ATRNL1: variants seen among roughly 807,000 people sequenced by gnomAD.
ATRNL1 encodes the protein attractin-like protein 1.
Under a neutral mutation model 182.7 loss-of-function variants are expected in ATRNL1, and 95 were observed. The observed-to-expected ratio is 0.52, with a 90% CI of 0.44 to 0.62. The LOEUF (loss-of-function observed/expected upper bound fraction) is 0.62, where lower values mean the gene tolerates loss of function less well. Among genes scored for constraint, ATRNL1 ranks in the 20% least tolerant of loss-of-function variants. ATRNL1 has a pLI of 0.00. For missense variants in ATRNL1, 1,471 were observed against 1,679.5 expected (o/e 0.88, Z 2.17); for synonymous variants, 576 against 568.3 (o/e 1.01, Z -0.19).
At chr10:115,547,129 C>CCTGT (rs1554993963) in intron 25 of ATRNL1, among the ~76,000 whole-genome samples, 2 of 151,624 alleles carry the variant, frequency 1.3e-5, no homozygotes, top group African/African-American at 4.8e-5. Context: ...GTGGCATGCA[C>CCTGT]CTGTAATCCT....
chr10:115,156,504 T>C lies in ATRNL1; in HGVS notation c.830-3536T>C, dbSNP rs546553492. Reference sequence around the variant, plus strand: ...GATTGTGGGGCTGGACATATACATTTGGGATATATCAGAGCACAATTCTAC... The same window carrying C: ...GATTGTGGGGCTGGACATATACATTCGGGATATATCAGAGCACAATTCTAC... On this transcript the variant is annotated intron_variant, in intron 5 of 28. Transcript: ENST00000355044. Among the ~76,000 whole-genome samples, 6 of 152,228 alleles carry C rather than the reference T, an allele frequency of 3.9e-5. No homozygotes were observed. The South Asian group carries it at 1.0e-3, about 26-fold the overall frequency.
chr10:115,606,539 AAG>A (rs1224476022), intron 26 of ATRNL1, among the ~76,000 whole-genome samples: 10 of 152,146 alleles, frequency 6.6e-5, no homozygotes, highest in African/African-American at 2.4e-4. Flanking sequence ...ATTTATGAAA[AAG>A]AAAACTCTTA....
At chr10:115,763,424 T>C (rs1948781400) in intron 27 of ATRNL1, among the ~76,000 whole-genome samples, 1 of 152,084 alleles carries the variant, frequency 6.6e-6, no homozygotes, top group South Asian at 2.1e-4. Flanking sequence ...AGAAGTGGGG[T>C]AATTATTTCA....
intron 27 of ATRNL1, among the ~76,000 whole-genome samples, chr10:115,762,314 G>T (rs1330356285): frequency 5.9e-5 from 9 of 152,104 alleles, no homozygotes; most frequent in African/African-American, 2.2e-4. Flanking sequence ...CAGAAAGCCT[G>T]CCTGGTCTTT....
intron 19 of ATRNL1, among the ~76,000 whole-genome samples, chr10:115,355,895 G>A (rs1052846838): frequency 2.6e-5 from 4 of 151,862 alleles, no homozygotes; most frequent in African/African-American, 4.8e-5. Context: ...TATATTTTAA[G>A]TTTTTAACAG....
At chr10:115,443,523 T>A (rs1401269778) in intron 21 of ATRNL1, among the ~76,000 whole-genome samples, 2 of 152,028 alleles carry the variant, frequency 1.3e-5, no homozygotes, top group Non-Finnish European at 2.9e-5. Context: ...GTATTTTTAC[T>A]TTTTATATAT....
At chr10:115,308,228 G>A (rs1053768223) in intron 17 of ATRNL1, among the ~76,000 whole-genome samples, 19 of 152,050 alleles carry the variant, frequency 1.2e-4, no homozygotes. Flanking sequence ...TTGACTAATG[G>A]TTTCTGAGAA....
At chr10:115,622,108 G>A (rs142317151) in intron 26 of ATRNL1, among the ~76,000 whole-genome samples, 32 of 152,270 alleles carry the variant, frequency 2.1e-4, no homozygotes, top group African/African-American at 7.2e-4. Flanking sequence ...CTCTAGATAT[G>A]TCAACCTAAA....
At chr10:115,626,480 T>C (rs2133818548) in intron 26 of ATRNL1, among the ~76,000 whole-genome samples, 1 of 152,320 alleles carries the variant, frequency 6.6e-6, no homozygotes, top group East Asian at 1.9e-4. Flanking sequence ...CAATATGTTC[T>C]GGTTCATGTT....
chr10:115,187,178 T>C lies in ATRNL1; in HGVS notation c.1348+15886T>C, dbSNP rs1460879558. ...TGTACACTGTTTCTGGGAATAATTT[T>C]TTTTTTTTTTTAACAAAAATGAGCA... On this transcript the variant is annotated intron_variant, in intron 8 of 28. Transcript: ENST00000355044. Among the ~76,000 whole-genome samples, 5 of 152,038 alleles carry C rather than the reference T, an allele frequency of 3.3e-5. No individual in the cohort carries two copies. The East Asian group carries it at 9.6e-4, about 29-fold the overall frequency.
chr10:115,535,792 G>C (rs1554990033), intron 25 of ATRNL1, among the ~76,000 whole-genome samples: 1 of 152,068 alleles, frequency 6.6e-6, no homozygotes, highest in African/African-American at 2.4e-5. Context: ...TTTCGGTGTG[G>C]ATGTCCTTTC....
At chr10:115,840,929 C>G (rs1161980812) in intron 27 of ATRNL1, among the ~76,000 whole-genome samples, 1 of 152,076 alleles carries the variant, frequency 6.6e-6, no homozygotes. Flanking sequence ...TTAACAGTAC[C>G]TTTCAAGGCC....
At chr10:115,878,557 A>G (rs575089730) in intron 28 of ATRNL1, among the ~76,000 whole-genome samples, 4 of 152,110 alleles carry the variant, frequency 2.6e-5, no homozygotes, top group African/African-American at 9.6e-5. Context: ...GTACAAGTAT[A>G]TTTTCTCTGT....
chr10:115,167,482 T>G (rs1847099874), intron 7 of ATRNL1, among the ~76,000 whole-genome samples: 1 of 152,088 alleles, frequency 6.6e-6, no homozygotes, highest in Non-Finnish European at 1.5e-5. Context: ...GTTATTTTTA[T>G]GTATTTGTGG....
chr10:115,322,100 T>C (rs139266688), intron 18 of ATRNL1, among the ~76,000 whole-genome samples: 2,112 of 152,176 alleles, frequency 0.014, 43 homozygotes, highest in African/African-American at 0.048. Flanking sequence ...CATTTTAACT[T>C]GTTAAAATAT....
chr10:115,156,374 T>C (rs961453258), intron 5 of ATRNL1, among the ~76,000 whole-genome samples: 4 of 152,034 alleles, frequency 2.6e-5, no homozygotes, highest in Non-Finnish European at 5.9e-5. Context: ...AGGAATTGGT[T>C]TGGGAGGAAA....
rs1198973231 is a variant in ATRNL1, at chr10:115,945,528, T to G, written c.*749T>G. ...GTCCAGCGATCAGTTGTTCCCCTCC[T>G]TCCAAAAACAGCCTCCAATACCACA... On this transcript the variant is annotated 3_prime_UTR_variant, in exon 29 of 29. Coordinates refer to ENST00000355044, the MANE Select transcript of ATRNL1 (RefSeq NM_207303.4). 3.9e-5 allele frequency: 6 copies of G among 152,160 alleles called. No individual in the cohort carries two copies. The highest frequency in any genetic ancestry group is 1.4e-4 in the African/African-American group (6 of 41,452). The allele number at this position is 152,160 out of a possible 1,614,324, so 9.4% of individuals were successfully genotyped here.
At chr10:115,577,557 A>C (rs1181353366) in intron 26 of ATRNL1, among the ~76,000 whole-genome samples, 1 of 149,642 alleles carries the variant, frequency 6.7e-6, no homozygotes, top group Non-Finnish European at 1.5e-5. Context: ...AACTGATCTT[A>C]CCATGTTGAT....
intron 26 of ATRNL1, among the ~76,000 whole-genome samples, chr10:115,651,511 G>GCAATTTAATC (rs1248780651): frequency 3.3e-5 from 5 of 151,990 alleles, no homozygotes; most frequent in Non-Finnish European, 7.4e-5. Flanking sequence ...TTGGCTTTCA[G>GCAATTTAATC]CAATTTAATC....
Sources: allele counts gnomAD v4.1 joint callset (sites outside exome capture counted in the v4.1 genomes callset), GRCh38; gene constraint gnomAD v4.1.1; transcripts MANE v1.5; gene names NCBI Gene and HGNC (gene_info 2026-07-23, HGNC 2026-07-21).